The following KCNMB2 variants were observed in gnomAD, a reference collection of about 807,000 sequenced individuals.
KCNMB2 encodes calcium-activated potassium channel subunit beta-2.
A neutral mutation model predicts 24.5 loss-of-function variants in KCNMB2; 9 were observed. The ratio of observed to expected loss-of-function variants is 0.37; its 90% confidence interval spans 0.22 to 0.64. KCNMB2 has a LOEUF of 0.64. KCNMB2 is among the 30% of genes least tolerant of loss of function. The pLI is 0.63. For synonymous variants in KCNMB2, 109 were observed against 104.4 expected (o/e 1.04, Z -0.27); for missense variants, 226 against 284.3 (o/e 0.79, Z 1.47).
intron 1 of KCNMB2, among the ~76,000 whole-genome samples, chr3:178,759,694 A>T (rs1274185887): frequency 2.1e-5 from 2 of 95,856 alleles, no homozygotes; most frequent in Non-Finnish European, 4.8e-5. Flanking sequence ...GAGGATATAT[A>T]TACACATATA....
intron 2 of KCNMB2, among the ~76,000 whole-genome samples, chr3:178,817,657 T>C (rs1714462161): frequency 6.6e-6 from 1 of 152,198 alleles, no homozygotes; most frequent in African/African-American, 2.4e-5. Flanking sequence ...ACTAGAGGGT[T>C]CAGTGCCTGG....
At chr3:178,626,785 T>C (rs1719134121) in intron 1 of KCNMB2, among the ~76,000 whole-genome samples, 1 of 151,830 alleles carries the variant, frequency 6.6e-6, no homozygotes, top group Non-Finnish European at 1.5e-5. Flanking sequence ...ACACAAAGCC[T>C]AACCATATCA....
At chr3:178,802,036 A>T (rs1713795197) in intron 1 of KCNMB2, 1 of 152,216 alleles carries the variant, frequency 6.6e-6, no homozygotes, top group Non-Finnish European at 1.5e-5. Context: ...AATGACATTT[A>T]AAACTGCTTG....
intron 1 of KCNMB2, among the ~76,000 whole-genome samples, chr3:178,631,352 G>C (rs1719312520): frequency 6.6e-6 from 1 of 152,166 alleles, no homozygotes; most frequent in African/African-American, 2.4e-5. Flanking sequence ...GCTTATTAGT[G>C]CTGTCAGTAA....
intron 1 of KCNMB2, among the ~76,000 whole-genome samples, chr3:178,633,881 T>A (rs1010224357): frequency 3.3e-5 from 5 of 152,234 alleles, no homozygotes; most frequent in Non-Finnish European, 7.3e-5. Context: ...AAATTTCTTC[T>A]GCCAGATACC....
chr3:178,669,925 C>G (rs575943273), intron 1 of KCNMB2, among the ~76,000 whole-genome samples: 1 of 151,948 alleles, frequency 6.6e-6, no homozygotes, highest in African/African-American at 2.4e-5. Context: ...AGAAAGCAAG[C>G]AGGAAGTGGA....
At chr3:178,600,231 T>C (rs1343532541) in intron 1 of KCNMB2, among the ~76,000 whole-genome samples, 1 of 152,188 alleles carries the variant, frequency 6.6e-6, no homozygotes, top group East Asian at 1.9e-4. Flanking sequence ...TCATGTTGTA[T>C]CAAATGTCAG....
At chr3:178,556,952 G>A (rs1716145358) in intron 1 of KCNMB2, among the ~76,000 whole-genome samples, 1 of 152,182 alleles carries the variant, frequency 6.6e-6, no homozygotes, top group South Asian at 2.1e-4. Context: ...AGAGGAGGAT[G>A]CATAGAATCG....
intron 1 of KCNMB2, among the ~76,000 whole-genome samples, chr3:178,635,574 C>T (rs1719492316): frequency 6.6e-6 from 1 of 152,170 alleles, no homozygotes; most frequent in Admixed American, 6.5e-5. Context: ...ATAGAAGTGT[C>T]ATTTGGCATC....
Position 178,813,985 on chromosome 3 carries a change from GC to G in KCNMB2, c.56+6521del, listed in dbSNP as rs1192699037. On this transcript the variant is annotated intron_variant, in intron 2 of 4. Coordinates refer to ENST00000452583, the MANE Select transcript of KCNMB2 (RefSeq NM_181361.3). ...TGTTGTTGTTGTTGTTGTTGTTGTT[GC>G]TGCTGCTGCTGTTGTTTTTCTAATC... Among the ~76,000 whole-genome samples, 754 of 105,536 alleles carry G rather than the reference GC, an allele frequency of 7.1e-3. 3 individuals are homozygous for G. Among genetic ancestry groups the G allele is most frequent in the African/African-American group, 0.029 (685 of 23,996 alleles). The allele number at this position is 105,536 out of a possible 152,430, so 69.2% of individuals were successfully genotyped here. A position where few individuals can be genotyped will look rare whatever the true frequency, so the allele number is the denominator to read the frequency against.
At chr3:178,735,083 A>G (rs967435264) in intron 1 of KCNMB2, among the ~76,000 whole-genome samples, 1 of 152,240 alleles carries the variant, frequency 6.6e-6, no homozygotes, top group African/African-American at 2.4e-5. Context: ...AGGATGCCCC[A>G]GCATGTTGCC....
intron 2 of KCNMB2, among the ~76,000 whole-genome samples, chr3:178,808,063 C>G (rs977064469): frequency 6.6e-6 from 1 of 151,878 alleles, no homozygotes; most frequent in Non-Finnish European, 1.5e-5. Flanking sequence ...AGAGGACATA[C>G]AAATCCATTG....
chr3:178,763,257 A>G (rs1002623080), intron 1 of KCNMB2, among the ~76,000 whole-genome samples: 1 of 152,184 alleles, frequency 6.6e-6, no homozygotes, highest in African/African-American at 2.4e-5. Flanking sequence ...ATTCTTTAAT[A>G]TGAAGCCAGT....
chr3:178,697,897 A>AG (rs1380335257), intron 1 of KCNMB2, among the ~76,000 whole-genome samples: 3 of 74,508 alleles, frequency 4.0e-5, no homozygotes, highest in East Asian at 3.0e-4. Flanking sequence ...CTGGGTTAAA[A>AG]GTTTTTTTTT....
chr3:178,745,739 G>A (rs964591095), intron 1 of KCNMB2, among the ~76,000 whole-genome samples: 1 of 152,192 alleles, frequency 6.6e-6, no homozygotes, highest in African/African-American at 2.4e-5. Context: ...TCCCAAATGG[G>A]AGAAATTGGC....
In KCNMB2 at chr3:178,587,786, G is replaced by C. The variant is rs1024881676; in HGVS notation, c.-68+51075G>C. ...AAGTTTTAGGGCACATGTGCACAAC[G>C]TGCAGGTTTGTTACATATGTATACA... is the stretch of plus-strand genomic sequence containing the variant. On this transcript the variant is annotated intron_variant, in intron 1 of 4. Coordinates refer to ENST00000452583, the MANE Select transcript of KCNMB2 (RefSeq NM_181361.3). Among the ~76,000 whole-genome samples the C allele has an allele frequency of 2.4e-3, 364 of 150,526 alleles. 4 individuals carry two copies. The highest frequency in any genetic ancestry group is 2.0e-3 in the Non-Finnish European group (134 of 67,766).
At chr3:178,585,624 A>G (rs1175398460) in intron 1 of KCNMB2, among the ~76,000 whole-genome samples, 1 of 152,146 alleles carries the variant, frequency 6.6e-6, no homozygotes, top group East Asian at 1.9e-4. Flanking sequence ...TTCCTGTAAC[A>G]CTGTGTTCAG....
rs148195919 is a variant in KCNMB2 at position 178,686,918 on chromosome 3, G to A, written c.-67-120425G>A. Among the ~76,000 whole-genome samples the A allele has an allele frequency of 5.0e-3, 750 of 151,216 alleles. 5 individuals carry two copies. The highest frequency in any genetic ancestry group is 0.017 in the African/African-American group (707 of 41,492). ...CAACTGTAGATTATGAATTTCTACT[G>A]GCAAGAAGTGCAGACAGCTTTTATT... is the stretch of plus-strand genomic sequence containing the variant. On this transcript the variant is annotated intron_variant, in intron 1 of 4. Coordinates refer to ENST00000452583, the MANE Select transcript of KCNMB2 (RefSeq NM_181361.3).
chr3:178,563,721 G>A (rs1716407003), intron 1 of KCNMB2, among the ~76,000 whole-genome samples: 1 of 152,138 alleles, frequency 6.6e-6, no homozygotes, highest in African/African-American at 2.4e-5. Context: ...GGAAGTGTGG[G>A]TACTTTGGAA....
Sources: gnomAD v4.1 joint callset for allele counts (sites outside exome capture counted in the v4.1 genomes callset) on GRCh38, gnomAD v4.1.1 for gene constraint, MANE v1.5 for transcripts, NCBI Gene and HGNC (gene_info 2026-07-23, HGNC 2026-07-21) for gene names.